DOCK10: variants seen among roughly 807,000 people sequenced by gnomAD.
DOCK10 encodes the protein dedicator of cytokinesis protein 10.
In DOCK10, 145 loss-of-function variants were observed where a neutral mutation model predicts 280.1. The observed-to-expected ratio is 0.52, with a 90% confidence interval of 0.45 to 0.59. DOCK10 has a LOEUF of 0.59. Ranked by LOEUF, DOCK10 falls within the 20% of genes least tolerant of loss-of-function variation. DOCK10 has a pLI of 0.00. For missense variants in DOCK10, 2,368 were observed against 2,651.7 expected (o/e 0.89, Z 2.35); for synonymous variants, 915 against 942.2 (o/e 0.97, Z 0.53).
chr2:224,909,878 G>A (rs902393717), intron 3 of DOCK10, among the ~76,000 whole-genome samples: 2 of 152,026 alleles, frequency 1.3e-5, no homozygotes, highest in Non-Finnish European at 2.9e-5. Flanking sequence ...ATAGGGAGGA[G>A]AATTAATAAC....
intron 25 of DOCK10, among the ~76,000 whole-genome samples, chr2:224,836,850 C>T (rs1169700585): frequency 6.6e-6 from 1 of 152,034 alleles, no homozygotes; most frequent in Admixed American, 6.5e-5. Flanking sequence ...CCGCCCGCCT[C>T]GGCCTCCCAA....
intron 1 of DOCK10, among the ~76,000 whole-genome samples, chr2:225,002,789 A>G (rs1706472802): frequency 6.6e-6 from 1 of 151,960 alleles, no homozygotes; most frequent in Admixed American, 6.6e-5. Flanking sequence ...TATGAACCAC[A>G]TCAGTGTGGT....
In DOCK10 at chr2:224,886,175, G is replaced by A; in HGVS notation, c.500C>T (p.Ser167Phe). The change falls in exon 6 of 56, where the codon TCC (serine) becomes TTC (phenylalanine). Residue 167 changes from serine to phenylalanine, a missense_variant. By Grantham distance (155) the Ser-to-Phe change is radical. Coordinates refer to ENST00000258390, the MANE Select transcript of DOCK10 (RefSeq NM_014689.3). ...TCCACCCCCCTTGGAAGACGAGTGG[G>A]AAGTGGTATCCTGTAGGAAAGGCAT... Reference protein sequence around the residue: ...EDADKDEDTTSHSSSKGGGGA... With the variant: ...EDADKDEDTTFHSSSKGGGGA... 1 of 1,613,840 alleles carries A rather than the reference G, an allele frequency of 6.2e-7. No homozygotes were observed. Among genetic ancestry groups the A allele is most frequent in the East Asian group, 2.2e-5 (1 of 44,876 alleles).
At chr2:224,953,976 ATGT>A (rs940515284) in intron 1 of DOCK10, among the ~76,000 whole-genome samples, 7 of 152,108 alleles carry the variant, frequency 4.6e-5, no homozygotes, top group South Asian at 4.2e-4. Flanking sequence ...TGTGGGGTAG[ATGT>A]TGTGCATTTG....
intron 1 of DOCK10, among the ~76,000 whole-genome samples, chr2:225,040,689 A>C (rs377009035): frequency 3.3e-5 from 5 of 152,300 alleles, no homozygotes; most frequent in African/African-American, 1.2e-4. Flanking sequence ...TCAGATCCTC[A>C]GTGAGATTCA....
chr2:224,908,947 T>C (rs1181529370), intron 3 of DOCK10, among the ~76,000 whole-genome samples: 2 of 152,202 alleles, frequency 1.3e-5, no homozygotes, highest in Non-Finnish European at 2.9e-5. Context: ...GGCTTTGTTG[T>C]CAGAGTAACT....
rs66476455 is a variant in DOCK10, at chr2:224,963,996, CTT to C, written c.124-32330_124-32329del. ...TGTTTTCACAATTTGGTCTAAAATTCTTTTTTTTTTTTTTTTTTTACAATAGA... is the reference window on the plus strand; with the variant it reads ...TGTTTTCACAATTTGGTCTAAAATTCTTTTTTTTTTTTTTTTTACAATAGA... On this transcript the variant is annotated intron_variant, in intron 1 of 55. Transcript: ENST00000258390. Among the ~76,000 whole-genome samples the C allele has an allele frequency of 4.8e-3, 591 of 122,752 alleles. 1 individual carries two copies. Among genetic ancestry groups the C allele is most frequent in the Middle Eastern group, 0.013 (3 of 230 alleles). The allele number at this position is 122,752 out of a possible 152,430, so 80.5% of individuals were successfully genotyped here. A position where few individuals can be genotyped will look rare whatever the true frequency, so the allele number is the denominator to read the frequency against.
Position 224,879,983 on chromosome 2 carries a change from A to G in DOCK10, c.748-3762T>C, listed in dbSNP as rs1698883578. On this transcript the variant is annotated intron_variant, in intron 7 of 55. Coordinates refer to ENST00000258390, the MANE Select transcript of DOCK10 (RefSeq NM_014689.3). Reference sequence around the variant, plus strand: ...AAAGGGAGATAAAAAGCAACCTAAAATGCTTATATTGGGTCCAAATTAAAG... The same window carrying G: ...AAAGGGAGATAAAAAGCAACCTAAAGTGCTTATATTGGGTCCAAATTAAAG... Among the ~76,000 whole-genome samples, 2 of 152,184 alleles carry G rather than the reference A, an allele frequency of 1.3e-5. 1 individual carries two copies. The highest frequency in any genetic ancestry group is 4.1e-4 in the South Asian group (2 of 4,830).
At chr2:224,870,972 G>A (rs143207718) in intron 11 of DOCK10, among the ~76,000 whole-genome samples, 1,553 of 151,892 alleles carry the variant, frequency 0.01, 23 homozygotes, top group African/African-American at 0.035. Context: ...GACTACAGGC[G>A]TGTGCCACTG....
chr2:225,024,813 C>T (rs915163015), intron 1 of DOCK10, among the ~76,000 whole-genome samples: 1 of 151,906 alleles, frequency 6.6e-6, no homozygotes, highest in Non-Finnish European at 1.5e-5. Flanking sequence ...ATTGCTTTAA[C>T]CAGGGAGGTG....
At chr2:224,982,377 C>T (rs146235324) in intron 1 of DOCK10, 2 of 1,231,836 alleles carry the variant, frequency 1.6e-6, no homozygotes, top group Admixed American at 4.2e-5. Context: ...ATCGCTGCAT[C>T]CTGGAGCCTA....
intron 1 of DOCK10, chr2:224,947,063 AATGCTC>A: frequency 7.1e-7 from 1 of 1,411,038 alleles, no homozygotes. Context: ...TAAAAAGGGA[AATGCTC>A]ATGCTACATG....
chr2:224,847,083 T>C (rs1421542294), intron 19 of DOCK10, among the ~76,000 whole-genome samples: 2 of 152,246 alleles, frequency 1.3e-5, no homozygotes, highest in Non-Finnish European at 2.9e-5. Flanking sequence ...GCCGTAGCTA[T>C]ACAAATAATG....
chr2:224,950,654 G>C (rs1315383488), intron 1 of DOCK10, among the ~76,000 whole-genome samples: 2 of 152,210 alleles, frequency 1.3e-5, no homozygotes, highest in Non-Finnish European at 2.9e-5. Context: ...TGCTGATTTA[G>C]ACATGTTGAA....
At position 224,960,730 on chromosome 2, in the gene DOCK10, C is replaced by CTTTT. The variant is rs71281764; in HGVS notation, c.124-29066_124-29063dup. On this transcript the variant is annotated intron_variant, in intron 1 of 55. Transcript: ENST00000258390. ...TGCACAATGAACGCATCACCAAATTCTTTTTTTTTTTTTTTTTTTTTTTTT... is the reference window on the plus strand; with the variant it reads ...TGCACAATGAACGCATCACCAAATTCTTTTTTTTTTTTTTTTTTTTTTTTTTTTT... Among the ~76,000 whole-genome samples, 412 of 70,254 alleles carry CTTTT rather than the reference C, an allele frequency of 5.9e-3. 75 individuals carry two copies. Among genetic ancestry groups the CTTTT allele is most frequent in the African/African-American group, 0.018 (339 of 18,482 alleles). The allele number at this position is 70,254 out of a possible 152,430, so 46.1% of individuals were successfully genotyped here. A position where few individuals can be genotyped will look rare whatever the true frequency, so the allele number is the denominator to read the frequency against.
intron 25 of DOCK10, among the ~76,000 whole-genome samples, chr2:224,835,431 C>T (rs1307664031): frequency 1.3e-5 from 2 of 152,212 alleles, no homozygotes; most frequent in Non-Finnish European, 2.9e-5. Context: ...GAAAAAGACA[C>T]GGTGTATGTG....
At chr2:224,913,706 G>C (rs74873782) in intron 3 of DOCK10, among the ~76,000 whole-genome samples, 35,078 of 150,650 alleles carry the variant, frequency 0.23, 4,543 homozygotes, top group Non-Finnish European at 0.28. Context: ...TTTTTATTTT[G>C]TTTGTTTGTC....
chr2:224,829,082 A>G lies in DOCK10; in HGVS notation c.3036+1459T>C, dbSNP rs574847365. 3.2e-4 allele frequency among the ~76,000 whole-genome samples: 48 copies of G among 152,330 alleles called. No individual in the cohort carries two copies. In the Middle Eastern group the frequency reaches 0.01, roughly 32 times the overall value. Reference sequence around the variant, plus strand: ...TATCAATTCTTCTCCAAAGGGCCCTATAGCCATTTACTCAGGCTACTGTAC... The same window carrying G: ...TATCAATTCTTCTCCAAAGGGCCCTGTAGCCATTTACTCAGGCTACTGTAC... On this transcript the variant is annotated intron_variant, in intron 27 of 55. Coordinates refer to ENST00000258390, the MANE Select transcript of DOCK10 (RefSeq NM_014689.3).
intron 3 of DOCK10, among the ~76,000 whole-genome samples, chr2:224,902,964 G>T (rs564017610): frequency 2.4e-4 from 36 of 152,124 alleles, no homozygotes; most frequent in Admixed American, 2.2e-3. Flanking sequence ...CGGTTGTGGT[G>T]GCAGGCGCCT....
Sources: allele counts gnomAD v4.1 joint callset (sites outside exome capture counted in the v4.1 genomes callset), GRCh38; gene constraint gnomAD v4.1.1; transcripts MANE v1.5; gene names NCBI Gene and HGNC (gene_info 2026-07-23, HGNC 2026-07-21).